FNTA: variants seen among roughly 807,000 people sequenced by gnomAD.
The protein encoded by FNTA is farnesyltransferase, CAAX box, subunit alpha.
In FNTA, 27 loss-of-function variants were observed where a neutral mutation model predicts 55.2. The ratio of observed to expected loss-of-function variants is 0.49; its 90% CI spans 0.36 to 0.67. The LOEUF (loss-of-function observed/expected upper bound fraction) is 0.67, where lower values mean the gene tolerates loss of function less well. Among genes scored for constraint, FNTA ranks in the 30% least tolerant of loss-of-function variants. FNTA has a pLI of 0.00. For synonymous variants in FNTA, 176 were observed against 170.7 expected, an observed-to-expected ratio of 1.03 and a Z score of -0.24; for missense variants, 422 against 464.7, an observed-to-expected ratio of 0.91 and a Z score of 0.85.
chr8:43,071,156 G>A (rs1369388463), intron 4 of FNTA, among the ~76,000 whole-genome samples: 2 of 151,972 alleles, frequency 1.3e-5, no homozygotes, highest in African/African-American at 4.8e-5. Flanking sequence ...CTCTAATATA[G>A]ATTTTTTAAG....
At chr8:43,074,886 A>G (rs1019003296) in intron 5 of FNTA, among the ~76,000 whole-genome samples, 2 of 152,056 alleles carry the variant, frequency 1.3e-5, no homozygotes, top group African/African-American at 4.8e-5. Flanking sequence ...TTCTACCCCC[A>G]CTCCTCCACC....
intron 4 of FNTA, among the ~76,000 whole-genome samples, 174 bp from the exon 5 acceptor site, chr8:43,072,006 GA>G (rs1338836357): frequency 6.6e-6 from 1 of 152,090 alleles, no homozygotes; most frequent in Non-Finnish European, 1.5e-5. Flanking sequence ...TAAACTATCT[GA>G]ATTTTTTTTC....
intron 5 of FNTA, chr8:43,073,617 C>A (rs1810845591): frequency 6.6e-6 from 1 of 151,896 alleles, no homozygotes; most frequent in African/African-American, 2.4e-5. Flanking sequence ...GCACTTTCCT[C>A]TGGTCTTCGT....
At position 43,059,128 on chromosome 8, in the gene FNTA, G is replaced by A. The variant is rs769604296; in HGVS notation, c.237G>A (p.Pro79=). Residue 79 remains proline, a synonymous_variant, in exon 2 of 9, where the codon CCG becomes CCA. Transcript: ENST00000302279. Reference sequence around the variant, plus strand: ...AATGGGCTGATATAGATCCGGTGCCGCAGAATGATGGCCCCAATCCCGTGG... The same window carrying A: ...AATGGGCTGATATAGATCCGGTGCCACAGAATGATGGCCCCAATCCCGTGG... The part of the protein sequence containing the change: ...RAEWADIDPV[P]QNDGPNPVVQ... 6.8e-6 allele frequency: 11 copies of A among 1,613,408 alleles called. No homozygotes were observed. Among genetic ancestry groups the A allele is most frequent in the Middle Eastern group, 1.7e-4 (1 of 5,848 alleles).
chr8:43,070,462 A>G (rs893983440), intron 4 of FNTA: 25 of 152,230 alleles, frequency 1.6e-4, no homozygotes, highest in African/African-American at 6.0e-4. Context: ...GACCCTCACT[A>G]AAGTTATTTA....
At chr8:43,076,705 C>T (rs2130566165) in intron 5 of FNTA, 1 of 152,214 alleles carries the variant, frequency 6.6e-6, no homozygotes, top group East Asian at 1.9e-4. Context: ...TGGAGAAACC[C>T]CATCTCTACT....
Position 43,070,249 on chromosome 8 carries a change from G to A in FNTA, c.506+590G>A, listed in dbSNP as rs532610404. The stretch of plus-strand genomic sequence containing the variant: ...CTTGAACCTGGGAGGTGGAGGTTTC[G>A]GTGAGCTGAGATTGCACCACTGCAC... On this transcript the variant is annotated intron_variant, in intron 4 of 8. Transcript: ENST00000302279. The A allele has an allele frequency of 1.3e-4, 19 of 151,722 alleles. No homozygotes were observed. The East Asian group carries it at 2.5e-3, about 20-fold the overall frequency. The allele number at this position is 151,722 out of a possible 1,614,324, so 9.4% of individuals were successfully genotyped here. A position where few individuals can be genotyped will look rare whatever the true frequency, so the allele number is the denominator to read the frequency against.
intron 2 of FNTA, among the ~76,000 whole-genome samples, chr8:43,059,733 A>G (rs1810489102): frequency 6.6e-6 from 1 of 152,210 alleles, no homozygotes. Flanking sequence ...AAATGGAATG[A>G]TAGTTTTGTA....
At chr8:43,058,927 C>G in intron 1 of FNTA, 165 bp from the exon 2 acceptor site, 1 of 489,030 alleles carries the variant, frequency 2.0e-6, no homozygotes, top group Non-Finnish European at 3.6e-6. Flanking sequence ...ATGTGTAAAA[C>G]ATATTGGCAA....
intron 5 of FNTA, 125 bp downstream of exon 5, chr8:43,072,432 C>T (rs1043558006): frequency 5.2e-5 from 30 of 581,612 alleles, no homozygotes; most frequent in Non-Finnish European, 7.1e-5. Context: ...CAATATATAA[C>T]TAAAAATTAT....
intron 5 of FNTA, 93 bp downstream of exon 5, chr8:43,072,400 CACAT>C: frequency 1.1e-6 from 1 of 888,442 alleles, no homozygotes; most frequent in Admixed American, 3.4e-5. Context: ...CCAAAACACA[CACAT>C]ACGTAGATCA....
At chr8:43,076,945 T>A (rs914477707) in intron 5 of FNTA, 2 of 285,990 alleles carry the variant, frequency 7.0e-6, no homozygotes, top group Admixed American at 1.0e-4. Context: ...GGTCACTCCT[T>A]CTCTTACTAG....
chr8:43,075,645 G>T (rs1268508546), intron 5 of FNTA, among the ~76,000 whole-genome samples: 1 of 151,882 alleles, frequency 6.6e-6, no homozygotes, highest in African/African-American at 2.4e-5. Flanking sequence ...GTAAAACCTG[G>T]TCTCTACGAA....
intron 2 of FNTA, 146 bp from the exon 3 acceptor site, chr8:43,063,955 G>T: frequency 1.7e-6 from 1 of 595,002 alleles, no homozygotes. Context: ...TTAGGGTGGC[G>T]GCCACAGCCA....
chr8:43,082,460 T>G (rs1188011635), intron 6 of FNTA: 1 of 152,272 alleles, frequency 6.6e-6, no homozygotes, highest in African/African-American at 2.4e-5. Flanking sequence ...GAGCTTAGAC[T>G]GTTTCCCCAA....
intron 4 of FNTA, chr8:43,070,363 C>T (rs568932101): frequency 6.6e-6 from 1 of 151,958 alleles, no homozygotes. Flanking sequence ...ACCATTGTAG[C>T]CTGTTGATTA....
intron 6 of FNTA, chr8:43,081,866 A>C (rs1327916453): frequency 6.6e-6 from 1 of 152,186 alleles, no homozygotes; most frequent in Non-Finnish European, 1.5e-5. Flanking sequence ...GCCCAGCTAA[A>C]GTTCATGTTT....
rs1279936571 is a variant in FNTA, at chr8:43,056,498, T to G, written c.152T>G (p.Met51Arg). The G allele has an allele frequency of 1.9e-6, 3 of 1,572,202 alleles. No homozygotes were observed. Among genetic ancestry groups the G allele is most frequent in the African/African-American group, 2.8e-5 (2 of 71,156 alleles). Residue 51 changes from methionine to arginine, a missense_variant, in exon 1 of 9, where the codon ATG becomes AGG. By Grantham distance (91) the Met-to-Arg change is moderately conservative (BLOSUM62 -1). Around this residue, in one of 2 missense-constraint regions of FNTA, gnomAD observed 160 missense variants for 121.6 expected, o/e 1.32. Transcript: ENST00000302279. Reference sequence around the variant, plus strand: ...GCTGGGGAAGCCGTGGCGTCCCCCATGGACGACGGGTTTGTGAGCCTGGAC... The same window carrying G: ...GCTGGGGAAGCCGTGGCGTCCCCCAGGGACGACGGGTTTGTGAGCCTGGAC... The part of the protein sequence containing the change: ...AEAGEAVASP[M>R]DDGFVSLDSP...
chr8:43,080,024 C>G (rs77669852), intron 6 of FNTA: 1 of 152,154 alleles, frequency 6.6e-6, no homozygotes, highest in Non-Finnish European at 1.5e-5. Context: ...GATGAGGAGT[C>G]GCTTCTTATG....
Sources: allele counts gnomAD v4.1 joint callset (sites outside exome capture counted in the v4.1 genomes callset), GRCh38; gene constraint gnomAD v4.1.1; regional missense constraint gnomAD v4.1.1; transcripts MANE v1.5; gene names NCBI Gene and HGNC (gene_info 2026-07-23, HGNC 2026-07-21).